The following ANK3 variants were observed in gnomAD, a reference collection of about 807,000 sequenced individuals.
ANK3 encodes the protein ankyrin 3, also known as ankyrin-3.
In ANK3, 57 loss-of-function variants were observed where a neutral mutation model predicts 370.9. The observed-to-expected ratio is 0.15, with a 90% CI of 0.12 to 0.19. ANK3 has a LOEUF of 0.19. ANK3 is among the 10% of genes least tolerant of loss of function. ANK3 has a pLI of 1.00. For synonymous variants in ANK3, 1,929 were observed against 1,946.3 expected (o/e 0.99, Z 0.23); for missense variants, 4,439 against 5,302.1 (o/e 0.84, Z 5.06).
chr10:60,469,142 T>C (rs1263442742), intron 2 of ANK3, among the ~76,000 whole-genome samples: 1 of 126,144 alleles, frequency 7.9e-6, no homozygotes, highest in Non-Finnish European at 1.6e-5. Flanking sequence ...TATATATATA[T>C]ACCACTTTTA....
chr10:60,379,872 AAC>A (rs1270358736), intron 1 of ANK3, among the ~76,000 whole-genome samples: 1 of 152,138 alleles, frequency 6.6e-6, no homozygotes, highest in Non-Finnish European at 1.5e-5. Flanking sequence ...GAACATGTCC[AAC>A]ACACAAAAAA....
chr10:60,406,876 C>G (rs73268824), intron 2 of ANK3, among the ~76,000 whole-genome samples: 1,989 of 152,236 alleles, frequency 0.013, 45 homozygotes, highest in African/African-American at 0.044. Context: ...GCCTTTTCCT[C>G]ATTCACCATT....
rs1408179821 is a variant in ANK3 at position 60,226,445 on chromosome 10, CT to C, written c.897+8242del. ...TATACAACATATAATATATAACATA[CT>C]ATAAAATATAGTATATATACATAGT... is the stretch of plus-strand genomic sequence containing the variant. On this transcript the variant is annotated intron_variant, in intron 8 of 43. Transcript: ENST00000280772. 2.8e-5 allele frequency among the ~76,000 whole-genome samples: 3 copies of C among 105,770 alleles called. No homozygotes were observed. The Admixed American group carries it at 3.2e-4, about 11-fold the overall frequency. The allele number at this position is 105,770 out of a possible 152,430, so 69.4% of individuals were successfully genotyped here.
intron 11 of ANK3, among the ~76,000 whole-genome samples, chr10:60,204,364 T>A (rs553558995): frequency 1.7e-3 from 259 of 152,258 alleles, no homozygotes; most frequent in African/African-American, 5.9e-3. Flanking sequence ...GAATTTACTT[T>A]TATTTTAGAG....
At chr10:60,661,158 GTTTTT>G (rs568439558) in intron 1 of ANK3, among the ~76,000 whole-genome samples, 9 of 141,676 alleles carry the variant, frequency 6.4e-5, no homozygotes, top group Admixed American at 5.7e-4. Context: ...AAGTGTTTTG[GTTTTT>G]TTTTTTTTCA....
chr10:60,666,770 G>C (rs1233378392), intron 1 of ANK3, among the ~76,000 whole-genome samples: 1 of 152,138 alleles, frequency 6.6e-6, no homozygotes, highest in Non-Finnish European at 1.5e-5. Flanking sequence ...GATTTCTGGA[G>C]AAGGAAGGAA....
At chr10:60,475,237 C>T (rs991979425) in intron 2 of ANK3, among the ~76,000 whole-genome samples, 7 of 144,378 alleles carry the variant, frequency 4.8e-5, no homozygotes, top group African/African-American at 1.2e-4. Flanking sequence ...TGGATCATAC[C>T]GATAGCCATC....
intron 1 of ANK3, among the ~76,000 whole-genome samples, chr10:60,632,207 T>A (rs1248451596): frequency 6.6e-6 from 1 of 152,210 alleles, no homozygotes; most frequent in Non-Finnish European, 1.5e-5. Context: ...TGGGGCCTTA[T>A]AATTGATATG....
intron 23 of ANK3, among the ~76,000 whole-genome samples, chr10:60,148,245 T>A (rs960022202): frequency 2.6e-5 from 4 of 152,116 alleles, no homozygotes; most frequent in African/African-American, 9.7e-5. Flanking sequence ...TTTTTTTTAG[T>A]ACAAACCAGT....
intron 25 of ANK3, among the ~76,000 whole-genome samples, chr10:60,126,054 CT>C (rs2093738682): frequency 6.6e-6 from 1 of 152,108 alleles, no homozygotes; most frequent in African/African-American, 2.4e-5. Context: ...ATAATGAGGC[CT>C]CCAATATCAC....
At chr10:60,426,163 T>C (rs1444763280) in intron 2 of ANK3, among the ~76,000 whole-genome samples, 1 of 152,098 alleles carries the variant, frequency 6.6e-6, no homozygotes, top group Non-Finnish European at 1.5e-5. Flanking sequence ...GCCCACCACA[T>C]TGTCTAATCC....
chr10:60,473,538 C>T (rs894023947), intron 2 of ANK3, among the ~76,000 whole-genome samples: 1 of 152,064 alleles, frequency 6.6e-6, no homozygotes, highest in African/African-American at 2.4e-5. Context: ...GTGATCCTAT[C>T]ATGAAGATAA....
chr10:60,306,953 C>A (rs1232599894), intron 1 of ANK3, among the ~76,000 whole-genome samples: 1 of 152,106 alleles, frequency 6.6e-6, no homozygotes, highest in Non-Finnish European at 1.5e-5. Flanking sequence ...TGGTCTCAAA[C>A]TTCTGGCCTC....
intron 8 of ANK3, among the ~76,000 whole-genome samples, chr10:60,218,540 A>C (rs1425619211): frequency 6.6e-6 from 1 of 152,124 alleles, no homozygotes; most frequent in Non-Finnish European, 1.5e-5. Flanking sequence ...TTCACTTATG[A>C]AGCTTAGTTT....
intron 2 of ANK3, among the ~76,000 whole-genome samples, chr10:60,468,977 A>T (rs2065076125): frequency 8.4e-6 from 1 of 118,852 alleles, no homozygotes; most frequent in Non-Finnish European, 1.8e-5. Context: ...GGACCACTAT[A>T]TATATACCAC....
intron 1 of ANK3, among the ~76,000 whole-genome samples, chr10:60,706,372 C>T (rs879908119): frequency 9.2e-5 from 14 of 152,158 alleles, no homozygotes; most frequent in Admixed American, 7.9e-4. Flanking sequence ...GGTAACCTCC[C>T]TCCCAGCCGG....
chr10:60,125,210 A>G lies in ANK3; in HGVS notation c.2841+9061T>C, dbSNP rs184430128. Among the ~76,000 whole-genome samples, 234 of 152,316 alleles carry G rather than the reference A, an allele frequency of 1.5e-3. 2 individuals are homozygous for G. The highest frequency in any genetic ancestry group is 2.5e-3 in the Non-Finnish European group (171 of 68,024). On this transcript the variant is annotated intron_variant, in intron 25 of 43. Coordinates refer to ENST00000280772, the MANE Select transcript of ANK3 (RefSeq NM_020987.5). The stretch of plus-strand genomic sequence containing the variant: ...GAAGTCAACTATTATTACTCTTAAG[A>G]CTTATTTTGAGAATAGCATATAAAG...
intron 2 of ANK3, among the ~76,000 whole-genome samples, chr10:60,558,692 A>T (rs954453973): frequency 2.6e-5 from 4 of 152,242 alleles, no homozygotes; most frequent in Non-Finnish European, 5.9e-5. Flanking sequence ...TTAATCTTAC[A>T]CAAATATATT....
intron 2 of ANK3, among the ~76,000 whole-genome samples, chr10:60,428,807 T>C (rs1482496166): frequency 1.3e-5 from 2 of 152,144 alleles, no homozygotes; most frequent in African/African-American, 4.8e-5. Context: ...TTGTATTAAA[T>C]ATGCATAAGC....
Sources: allele counts gnomAD v4.1 joint callset (sites outside exome capture counted in the v4.1 genomes callset), GRCh38; gene constraint gnomAD v4.1.1; transcripts MANE v1.5; gene names NCBI Gene and HGNC (gene_info 2026-07-23, HGNC 2026-07-21).